Variants in MIA2 observed in about 807,000 individuals in gnomAD.
The protein encoded by MIA2 is melanoma inhibitory activity protein 2.
Under a neutral mutation model 167.8 loss-of-function variants are expected in MIA2, and 127 were observed. The ratio of observed to expected loss-of-function variants is 0.76; its 90% CI spans 0.66 to 0.88. MIA2 has a LOEUF of 0.88. MIA2 is among the 40% of genes least tolerant of loss of function. The probability of loss-of-function intolerance (pLI) is 0.00; values close to 1 mark genes in which losing one functional copy is unlikely to be tolerated. For synonymous variants in MIA2, 552 were observed against 541.9 expected (o/e 1.02, Z -0.26); for missense variants, 1,690 against 1,624.7 (o/e 1.04, Z -0.69).
exon 24 of MIA2, chr14:39,387,049 T>A: frequency 1.5e-6 from 1 of 685,014 alleles, no homozygotes; most frequent in Non-Finnish European, 2.5e-6. Context: ...GCCGGGTAGC[T>A]GGCGGCGGGT....
At chr14:39,307,049 G>T (rs1448608236) in intron 17 of MIA2, among the ~76,000 whole-genome samples, 1 of 152,040 alleles carries the variant, frequency 6.6e-6, no homozygotes, top group Non-Finnish European at 1.5e-5. Context: ...CTCTGGTCTT[G>T]ATCTGTTTTA....
intron 24 of MIA2, among the ~76,000 whole-genome samples, chr14:39,322,190 G>A (rs1316225997): frequency 6.6e-6 from 1 of 152,178 alleles, no homozygotes; most frequent in African/African-American, 2.4e-5. Context: ...AAGGAAATCA[G>A]TAGTGCTCTT....
chr14:39,318,756 A>G (rs2065912781), intron 22 of MIA2, among the ~76,000 whole-genome samples: 1 of 152,188 alleles, frequency 6.6e-6, no homozygotes, highest in Non-Finnish European at 1.5e-5. Flanking sequence ...AACTGGAATC[A>G]TGAGTGTCAC....
chr14:39,288,457 A>ATTTTT (rs1566747630), intron 9 of MIA2, among the ~76,000 whole-genome samples: 2 of 16,584 alleles, frequency 1.2e-4, no homozygotes, highest in African/African-American at 3.0e-4. Flanking sequence ...ATATATATAT[A>ATTTTT]TATATATATA....
At chr14:39,353,140 G>A (rs560387752), downstream of MIA2, among the ~76,000 whole-genome samples, 8 of 152,240 alleles carry the variant, frequency 5.3e-5, no homozygotes, top group South Asian at 1.0e-3. Context: ...GATCAAGTCA[G>A]GGTATTTGGG....
chr14:39,365,360 ATTAAATAGGTT>A (rs2074797264), intron 23 of MIA2, among the ~76,000 whole-genome samples: 1 of 152,214 alleles, frequency 6.6e-6, no homozygotes, highest in Non-Finnish European at 1.5e-5. Context: ...GCACCCGGCC[ATTAAATAGGTT>A]TTCAGTGCCT....
At chr14:39,359,992 G>GT (rs58076493) in intron 23 of MIA2, among the ~76,000 whole-genome samples, 99 of 128,834 alleles carry the variant, frequency 7.7e-4, no homozygotes, top group South Asian at 6.5e-3. Context: ...TCTGCAGCAT[G>GT]TTTTTTTTTT....
intron 23 of MIA2, among the ~76,000 whole-genome samples, chr14:39,360,474 GTTT>G (rs1159529851): frequency 6.8e-6 from 1 of 145,990 alleles, no homozygotes; most frequent in Non-Finnish European, 1.5e-5. Context: ...TTGTTTGTTT[GTTT>G]TTGTTGTTGT....
chr14:39,348,781 T>C lies in MIA2; in HGVS notation c.3876T>C (p.Asn1292=), dbSNP rs1169419010. The change falls in exon 28 of 29, where the codon AAT becomes AAC. Residue 1292 remains asparagine, a synonymous_variant. Coordinates refer to ENST00000640607, the MANE Select transcript of MIA2 (RefSeq NM_001329214.4). ...NVPDSSLPAE[N]EATGPGFVPP... is the part of the protein sequence containing the mutation. ...CTGATTCATCTCTCCCTGCTGAAAA[T>C]GAAGCCACTGGCCCTGGCTTTGTTC... The C allele has an allele frequency of 6.2e-7, 1 of 1,613,994 alleles. No homozygotes were observed. The highest frequency in any genetic ancestry group is 8.5e-7 in the Non-Finnish European group (1 of 1,179,870).
chr14:39,342,028 TTTA>T (rs972749014), intron 25 of MIA2, among the ~76,000 whole-genome samples: 10 of 151,922 alleles, frequency 6.6e-5, no homozygotes, highest in Non-Finnish European at 1.2e-4. Context: ...AAAAAAAAAT[TTTA>T]TTATACTCTA....
At chr14:39,296,810 T>C (rs1208699380) in intron 13 of MIA2, among the ~76,000 whole-genome samples, 1 of 151,606 alleles carries the variant, frequency 6.6e-6, no homozygotes, top group Non-Finnish European at 1.5e-5. Flanking sequence ...GAGTCTTGCC[T>C]TGTTGATCAG....
At chr14:39,370,407 T>TAAC (rs2074913247) in intron 23 of MIA2, 2 of 239,058 alleles carry the variant, frequency 8.4e-6, no homozygotes, top group Non-Finnish European at 1.9e-5. Flanking sequence ...AGAAGAATGT[T>TAAC]ACAGCCCCTG....
chr14:39,252,842 A>C lies in MIA2; in HGVS notation c.1662A>C (p.Pro554=). The change falls in exon 5 of 29, where the codon CCA becomes CCC. Residue 554 remains proline (P), a synonymous_variant. Coordinates refer to ENST00000640607, the MANE Select transcript of MIA2 (RefSeq NM_001329214.4). ...AAGATAGTGATGAAAATTCGAAACCATCAGTAGACACCGAAGGGCCTGCTC... is the reference window on the plus strand; with the variant it reads ...AAGATAGTGATGAAAATTCGAAACCCTCAGTAGACACCGAAGGGCCTGCTC... ...SSKDSDENSK[P]SVDTEGPALV... The C allele has an allele frequency of 6.2e-7, 1 of 1,614,040 alleles. No homozygotes were observed. The highest frequency in any genetic ancestry group is 8.5e-7 in the Non-Finnish European group (1 of 1,179,936).
At chr14:39,256,180 C>T (rs192014249) in intron 6 of MIA2, among the ~76,000 whole-genome samples, 3 of 152,294 alleles carry the variant, frequency 2.0e-5, no homozygotes, top group South Asian at 4.2e-4. Context: ...CATGGACTCT[C>T]CATTTTCCTA....
intron 18 of MIA2, among the ~76,000 whole-genome samples, chr14:39,310,820 ATGGCCCTT>A (rs147068884): frequency 0.031 from 4,734 of 152,268 alleles, 261 homozygotes; most frequent in African/African-American, 0.11. Context: ...GTTATTTGTT[ATGGCCCTT>A]TGGCCCTTTG....
At chr14:39,323,411 T>C (rs1378596609) in intron 24 of MIA2, among the ~76,000 whole-genome samples, 2 of 152,132 alleles carry the variant, frequency 1.3e-5, no homozygotes, top group African/African-American at 4.8e-5. Context: ...GACATTGACA[T>C]GTCTGCTGCA....
chr14:39,326,172 G>C (rs1229540030), intron 24 of MIA2, among the ~76,000 whole-genome samples: 1 of 152,106 alleles, frequency 6.6e-6, no homozygotes. Flanking sequence ...TGTTGTTTTT[G>C]AAACTATCGT....
At chr14:39,294,178 T>G in intron 12 of MIA2, 107 bp downstream of exon 12, 1 of 725,788 alleles carries the variant, frequency 1.4e-6, no homozygotes, top group Non-Finnish European at 2.2e-6. Flanking sequence ...ATATAGGGGA[T>G]CCCAGATATG....
intron 9 of MIA2, among the ~76,000 whole-genome samples, chr14:39,284,995 A>G (rs949531754): frequency 9.9e-5 from 15 of 152,198 alleles, no homozygotes; most frequent in African/African-American, 3.6e-4. Flanking sequence ...AGCAAAGCAC[A>G]TCTTGCACCG....
Sources: allele counts gnomAD v4.1 joint callset (sites outside exome capture counted in the v4.1 genomes callset), GRCh38; gene constraint gnomAD v4.1.1; transcripts MANE v1.5; gene names NCBI Gene and HGNC (gene_info 2026-07-23, HGNC 2026-07-21).